AKAP9: variants seen among roughly 807,000 people sequenced by gnomAD.
The protein encoded by AKAP9 is A-kinase anchor protein 9.
A neutral mutation model predicts 488.5 loss-of-function variants in AKAP9; 311 were observed. The observed-to-expected ratio is 0.64, with a 90% CI of 0.58 to 0.70. AKAP9 has a LOEUF of 0.70. Ranked by LOEUF, AKAP9 falls within the 30% of genes least tolerant of loss-of-function variation. The pLI is 0.00. For missense variants in AKAP9, 4,215 were observed against 4,374.5 expected, an observed-to-expected ratio of 0.96 and a Z score of 1.03; for synonymous variants, 1,462 against 1,483.5, an observed-to-expected ratio of 0.99 and a Z score of 0.33.
In AKAP9 at chr7:92,095,065, T is replaced by C. The variant is rs775701934; in HGVS notation, c.9621T>C (p.Asn3207=). 3 of 1,613,818 alleles carry C rather than the reference T, an allele frequency of 1.9e-6. No homozygotes were observed. Among genetic ancestry groups the C allele is most frequent in the South Asian group, 2.2e-5 (2 of 91,088 alleles). ...AGACAGATGAAGTACATTTGCTTAATGACACATTAGCAAGTGAACAGAAAA... is the reference window on the plus strand; with the variant it reads ...AGACAGATGAAGTACATTTGCTTAACGACACATTAGCAAGTGAACAGAAAA... ...KDKTDEVHLL[N]DTLASEQKKS... is the part of the protein sequence containing the mutation. Residue 3207 remains asparagine (N), a synonymous_variant, in exon 40 of 50, where the codon AAT becomes AAC. Coordinates refer to ENST00000356239, the MANE Select transcript of AKAP9 (RefSeq NM_005751.5).
At chr7:91,997,287 A>C (rs915442816) in intron 7 of AKAP9, among the ~76,000 whole-genome samples, 1 of 152,214 alleles carries the variant, frequency 6.6e-6, no homozygotes. Context: ...AGGACACCAC[A>C]AAACAGGGAT....
chr7:91,994,378 C>T (rs1798135715), intron 5 of AKAP9, among the ~76,000 whole-genome samples: 1 of 152,158 alleles, frequency 6.6e-6, no homozygotes. Context: ...TATAAAGGCA[C>T]TTGTCCTTCT....
At chr7:92,003,971 G>A (rs1006591477) in intron 8 of AKAP9, among the ~76,000 whole-genome samples, 6 of 152,118 alleles carry the variant, frequency 3.9e-5, no homozygotes, top group Non-Finnish European at 7.4e-5. Context: ...TGGCAAGTAC[G>A]AATATAGTGG....
chr7:91,990,403 A>C (rs922507332), intron 3 of AKAP9, among the ~76,000 whole-genome samples: 10 of 152,086 alleles, frequency 6.6e-5, no homozygotes, highest in Non-Finnish European at 1.0e-4. Flanking sequence ...CTAACTTTGG[A>C]ATATAGTGTG....
At position 91,992,661 on chromosome 7, in the gene AKAP9, CA is replaced by C. The variant is rs770870521; in HGVS notation, c.406-200del. Among the ~76,000 whole-genome samples the C allele has an allele frequency of 4.1e-3, 191 of 46,628 alleles. 2 individuals are homozygous for C. The highest frequency in any genetic ancestry group is 0.027 in the South Asian group (34 of 1,280). The allele number at this position is 46,628 out of a possible 152,430, so 30.6% of individuals were successfully genotyped here. ...CCTGGGTGACAGAGCAAGACTCTGT[CA>C]AAAAAAAAAAAAAAAAAAAAAAACT... On this transcript the variant is annotated intron_variant, in intron 4 of 49. Transcript: ENST00000356239.
chr7:91,969,791 C>T (rs868735391), intron 1 of AKAP9, among the ~76,000 whole-genome samples: 3 of 152,098 alleles, frequency 2.0e-5, no homozygotes, highest in South Asian at 2.1e-4. Context: ...TCAGTCTGTG[C>T]GCATTCTTAA....
intron 31 of AKAP9, among the ~76,000 whole-genome samples, chr7:92,081,434 G>A (rs907086605): frequency 6.1e-5 from 9 of 148,662 alleles, no homozygotes; most frequent in South Asian, 2.1e-4. Context: ...CCTCCCAGGC[G>A]GCTGGGATTA....
rs186965729 is a variant in AKAP9 at position 92,077,175 on chromosome 7, A to T, written c.6765+168A>T. ...CAATGGTGTGATCTCGGCTCATTGC[A>T]AGCTCCGCCTCCCTGGTTCAAGCAA... On this transcript the variant is annotated intron_variant, in intron 29 of 49. Coordinates refer to ENST00000356239, the MANE Select transcript of AKAP9 (RefSeq NM_005751.5). 0.015 allele frequency among the ~76,000 whole-genome samples: 2,071 copies of T among 140,764 alleles called. 41 individuals carry two copies. The highest frequency in any genetic ancestry group is 0.053 in the African/African-American group (1,970 of 37,370). The allele number at this position is 140,764 out of a possible 152,430, so 92.3% of individuals were successfully genotyped here. A position where few individuals can be genotyped will look rare whatever the true frequency, so the allele number is the denominator to read the frequency against.
intron 22 of AKAP9, among the ~76,000 whole-genome samples, chr7:92,059,158 A>G (rs1809308118): frequency 1.3e-5 from 2 of 151,978 alleles, no homozygotes; most frequent in African/African-American, 2.4e-5. Context: ...CAACTTTTAT[A>G]TTAAAGTGAC....
rs756687571 is a variant in AKAP9, at chr7:92,003,025, T to G, written c.3108T>G (p.Ser1036=). 5.0e-6 allele frequency: 8 copies of G among 1,613,446 alleles called. No homozygotes were observed. The highest frequency in any genetic ancestry group is 6.8e-6 in the Non-Finnish European group (8 of 1,179,614). ...MTSRGAEGSV[S]KVNKSFGEES... ...GCAGGGGTGCTGAAGGATCAGTTTC[T>G]AAAGTAAATAAAAGTTTTGGTGAAG... Residue 1036 remains serine, a synonymous_variant, in exon 8 of 50, where the codon TCT becomes TCG. Transcript: ENST00000356239.
At chr7:91,955,279 T>C in intron 1 of AKAP9, among the ~76,000 whole-genome samples, 1 of 152,148 alleles carries the variant, frequency 6.6e-6, no homozygotes, top group Non-Finnish European at 1.5e-5. Flanking sequence ...AAATATTTCT[T>C]CTAAAAAAGA....
intron 46 of AKAP9, among the ~76,000 whole-genome samples, chr7:92,104,985 G>A (rs766990249): frequency 1.3e-5 from 2 of 152,098 alleles, no homozygotes; most frequent in Non-Finnish European, 2.9e-5. Context: ...TCATGAGAGC[G>A]GTGTAGAAGT....
Position 92,081,574 on chromosome 7 carries a change from G to A in AKAP9, c.8020-948G>A, listed in dbSNP as rs545913556. ...TCAAACTCCTGACCTCAAGTGATCC[G>A]CCTGCCTTGGCCTCCCAAAGTGCTA... On this transcript the variant is annotated intron_variant, in intron 31 of 49. Transcript: ENST00000356239. 1.1e-4 allele frequency among the ~76,000 whole-genome samples: 16 copies of A among 148,492 alleles called. No individual in the cohort carries two copies. The East Asian group carries it at 2.7e-3, about 25-fold the overall frequency.
At chr7:92,041,853 TA>T in intron 18 of AKAP9, 192 bp from the exon 19 acceptor site, 2 of 554,424 alleles carry the variant, frequency 3.6e-6, no homozygotes, top group Admixed American at 6.5e-5. Context: ...TATATAGACT[TA>T]ATTGGCTTTT....
chr7:91,949,030 C>G (rs904877846), intron 1 of AKAP9, among the ~76,000 whole-genome samples: 2 of 152,190 alleles, frequency 1.3e-5, no homozygotes, highest in African/African-American at 4.8e-5. Context: ...GGATTACAGG[C>G]CTGAGCCACT....
chr7:92,038,815 G>A (rs756375660), intron 17 of AKAP9, 43 bp downstream of exon 17: 8 of 1,374,928 alleles, frequency 5.8e-6, no homozygotes, highest in Non-Finnish European at 8.2e-6. Context: ...TTTAAAAATT[G>A]TGAATTCTTT....
At chr7:92,034,499 T>G (rs1315462077) in intron 16 of AKAP9, among the ~76,000 whole-genome samples, 172 of 58,204 alleles carry the variant, frequency 3.0e-3, no homozygotes, top group Non-Finnish European at 4.5e-3. Flanking sequence ...TATATATATA[T>G]TTTTTTTTTT....
Position 92,093,173 on chromosome 7 carries a change from C to T in AKAP9, c.9435C>T (p.Asp3145=). Reference sequence around the variant, plus strand: ...AAGTGGAGCTCAGCAGTATGAAAGACAGAGCAACGGAACTGCAGGAGCAGC... The same window carrying T: ...AAGTGGAGCTCAGCAGTATGAAAGATAGAGCAACGGAACTGCAGGAGCAGC... The part of the protein sequence containing the change: ...EMQVELSSMK[D]RATELQEQLS... Residue 3145 remains aspartate (D), a synonymous_variant, in exon 39 of 50, where the codon GAC becomes GAT. Transcript: ENST00000356239. 1 of 1,614,130 alleles carries T rather than the reference C, an allele frequency of 6.2e-7. No homozygotes were observed.
intron 12 of AKAP9, among the ~76,000 whole-genome samples, chr7:92,020,746 G>A (rs538038016): frequency 6.6e-6 from 1 of 152,286 alleles, no homozygotes; most frequent in South Asian, 2.1e-4. Context: ...GAGTTAGAAA[G>A]GTTGGACTGG....
Sources: allele counts gnomAD v4.1 joint callset (sites outside exome capture counted in the v4.1 genomes callset), GRCh38; gene constraint gnomAD v4.1.1; transcripts MANE v1.5; gene names NCBI Gene and HGNC (gene_info 2026-07-23, HGNC 2026-07-21).